POGLUT1: variants seen among roughly 807,000 people sequenced by gnomAD.
The protein encoded by POGLUT1 is 9630046K23Rik.
A neutral mutation model predicts 61.3 loss-of-function variants in POGLUT1; 32 were observed. The observed-to-expected ratio is 0.52, with a 90% CI of 0.39 to 0.70. The LOEUF is 0.70. Among genes scored for constraint, POGLUT1 ranks in the 30% least tolerant of loss-of-function variants. POGLUT1 has a pLI of 0.00. For synonymous variants in POGLUT1, 158 were observed against 158.2 expected, an observed-to-expected ratio of 1.00 and a Z score of 0.01; for missense variants, 411 against 469.8, an observed-to-expected ratio of 0.87 and a Z score of 1.16.
chr3:119,469,818 A>T lies in POGLUT1; in HGVS notation c.86-2A>T. The T allele has an allele frequency of 3.2e-6, 5 of 1,554,068 alleles. No homozygotes were observed. The highest frequency in any genetic ancestry group is 4.4e-6 in the Non-Finnish European group (5 of 1,126,072). On this transcript the variant is annotated splice_acceptor_variant, in intron 1 of 10. Transcript: ENST00000295588. LOFTEE classifies it high-confidence loss of function. ...AACTCTCATTTACTTCACTTTTTAA[A>T]GGTTCAAAATGGAAAGTATTTATTG...
intron 3 of POGLUT1, among the ~76,000 whole-genome samples, chr3:119,472,712 C>CTAAATAAA (rs59465834): frequency 2.2e-4 from 34 of 151,138 alleles, no homozygotes; most frequent in African/African-American, 4.4e-4. Flanking sequence ...GCGAAACTGT[C>CTAAATAAA]TAAATAAATA....
At chr3:119,470,242 G>A (rs2081454555) in intron 2 of POGLUT1, among the ~76,000 whole-genome samples, 1 of 152,142 alleles carries the variant, frequency 6.6e-6, no homozygotes, top group South Asian at 2.1e-4. Flanking sequence ...CCCATCTATC[G>A]CTGAATCTAG....
chr3:119,480,335 G>A (rs780584531), intron 5 of POGLUT1, among the ~76,000 whole-genome samples, 163 bp downstream of exon 5: 17 of 150,906 alleles, frequency 1.1e-4, no homozygotes, highest in Non-Finnish European at 1.8e-4. Flanking sequence ...CGCAACCTCC[G>A]CCTCCCAGGT....
At chr3:119,480,741 CTTTTTTTTTT>C (rs549105221) in intron 5 of POGLUT1, among the ~76,000 whole-genome samples, 2 of 138,268 alleles carry the variant, frequency 1.4e-5, no homozygotes, top group Non-Finnish European at 3.1e-5. Flanking sequence ...ATTTTTCTTT[CTTTTTTTTTT>C]TTTTTGCGAC....
chr3:119,492,223 G>T (rs573967150), intron 10 of POGLUT1, 59 bp from the exon 11 acceptor site: 1 of 1,270,750 alleles, frequency 7.9e-7, no homozygotes, highest in African/African-American at 1.5e-5. Context: ...CTCAAATGCA[G>T]ACTGCTATTA....
At chr3:119,470,363 G>A (rs778176160) in intron 2 of POGLUT1, among the ~76,000 whole-genome samples, 21 of 152,134 alleles carry the variant, frequency 1.4e-4, no homozygotes, top group Admixed American at 6.5e-5. Flanking sequence ...ATCACCTGAG[G>A]TCAGAATTTC....
At chr3:119,470,749 T>G (rs2081460292) in intron 2 of POGLUT1, among the ~76,000 whole-genome samples, 1 of 152,228 alleles carries the variant, frequency 6.6e-6, no homozygotes, top group Non-Finnish European at 1.5e-5. Flanking sequence ...TCTTTTAAGC[T>G]CCTTTTTATG....
At chr3:119,476,184 G>A (rs1432408643) in intron 3 of POGLUT1, among the ~76,000 whole-genome samples, 2 of 152,112 alleles carry the variant, frequency 1.3e-5, no homozygotes, top group African/African-American at 4.8e-5. Context: ...CTTAAAAAAA[G>A]AGAAATCTTG....
rs1489622854 is a variant in POGLUT1, at chr3:119,489,073, G to T, written c.797+86G>T. 7.9e-5 allele frequency: 55 copies of T among 695,312 alleles called. No individual in the cohort carries two copies. In the East Asian group the frequency reaches 1.4e-3, roughly 18 times the overall value. 43.1% of individuals were successfully genotyped at this position (695,312 alleles called of 1,614,324 possible). Reference sequence around the variant, plus strand: ...TTTGGGTGAGAACTTTAATATAAAGGCCCAGCTGGAGTAAATGAAAGTTGC... The same window carrying T: ...TTTGGGTGAGAACTTTAATATAAAGTCCCAGCTGGAGTAAATGAAAGTTGC... On this transcript the variant is annotated intron_variant, in intron 8 of 10. Transcript: ENST00000295588.
intron 4 of POGLUT1, among the ~76,000 whole-genome samples, chr3:119,478,897 A>AT (rs2081573290): frequency 7.2e-6 from 1 of 139,062 alleles, no homozygotes; most frequent in Non-Finnish European, 1.6e-5. Flanking sequence ...TCAAAAAAAA[A>AT]AAAAAAAGGG....
At chr3:119,487,497 G>A (rs2081679756) in intron 7 of POGLUT1, among the ~76,000 whole-genome samples, 1 of 152,068 alleles carries the variant, frequency 6.6e-6, no homozygotes, top group Admixed American at 6.5e-5. Context: ...TGAGGCAGGA[G>A]AATCGCTTGA....
chr3:119,479,883 C>A (rs1253534268), intron 4 of POGLUT1, 168 bp from the exon 5 acceptor site: 1 of 1,493,534 alleles, frequency 6.7e-7, no homozygotes, highest in South Asian at 1.2e-5. Flanking sequence ...AATCCATAGT[C>A]ACTTTTGCCT....
chr3:119,485,858 G>A (rs1166737953), intron 6 of POGLUT1, among the ~76,000 whole-genome samples: 1 of 152,192 alleles, frequency 6.6e-6, no homozygotes, highest in Admixed American at 6.5e-5. Flanking sequence ...AAGGGAGCAG[G>A]GAGGAAAGAG....
Position 119,480,111 on chromosome 3 carries a change from GT to G in POGLUT1, c.520del (p.Trp174GlyfsTer19). 6.2e-7 allele frequency: 1 copy of G among 1,613,062 alleles called. No homozygotes were observed. The highest frequency in any genetic ancestry group is 8.5e-7 in the Non-Finnish European group (1 of 1,179,546). On this transcript the variant is annotated frameshift_variant, in exon 5 of 11. Transcript: ENST00000295588. LOFTEE classifies it high-confidence loss of function. ...GACATTTTGGGAAGGGGGACCTGCT[GT>G]TTGGCCAATTTATCCTACAGGTCTT... The part of the protein sequence containing the change: ...AWTFWEGGPA[V>X]WPIYPTGLGR...
At chr3:119,469,144 C>CG in intron 1 of POGLUT1, 38 bp downstream of exon 1, 22 of 1,503,494 alleles carry the variant, frequency 1.5e-5, no homozygotes, top group Non-Finnish European at 2.0e-5. Flanking sequence ...CCCTTGGGCT[C>CG]GGGGTCTGGC....
chr3:119,486,403 T>A (rs7650975), intron 6 of POGLUT1, among the ~76,000 whole-genome samples: 9,854 of 152,176 alleles, frequency 0.065, 651 homozygotes, highest in African/African-American at 0.17. Context: ...GCATTTTTTT[T>A]AAATTAAATA....
chr3:119,469,177 G>T (rs996234419), intron 1 of POGLUT1, 71 bp downstream of exon 1: 1 of 1,220,054 alleles, frequency 8.2e-7, no homozygotes. Flanking sequence ...GCGCTCCCCC[G>T]CGCGGCCGGC....
rs2081433747 is a variant in POGLUT1 at position 119,469,118 on chromosome 3, G to A, written c.85+12G>A. 3 of 1,584,844 alleles carry A rather than the reference G, an allele frequency of 1.9e-6. No individual in the cohort carries two copies. Among genetic ancestry groups the A allele is most frequent in the African/African-American group, 1.3e-5 (1 of 74,324 alleles). On this transcript the variant is annotated intron_variant, in intron 1 of 10. Coordinates refer to ENST00000295588, the MANE Select transcript of POGLUT1 (RefSeq NM_152305.3). ...CCAGAAGGAGTCAGGTGGGCTCCGG[G>A]CAGTGCCGAGCCTGCCCCTTGGGCT...
At chr3:119,486,795 C>T (rs1409072918) in intron 6 of POGLUT1, 38 bp from the exon 7 acceptor site, 2 of 1,377,012 alleles carry the variant, frequency 1.5e-6, no homozygotes, top group African/African-American at 1.4e-5. Flanking sequence ...TTTTCTAATA[C>T]AGGCCACACA....
Sources: allele counts gnomAD v4.1 joint callset (sites outside exome capture counted in the v4.1 genomes callset), GRCh38; gene constraint gnomAD v4.1.1; transcripts MANE v1.5; gene names NCBI Gene and HGNC (gene_info 2026-07-23, HGNC 2026-07-21).